The following PARD3B variants were observed in gnomAD, a reference collection of about 807,000 sequenced individuals.
The protein encoded by PARD3B is partitioning defective 3 homolog B.
Under a neutral mutation model 130.2 loss-of-function variants are expected in PARD3B, and 103 were observed. The observed-to-expected ratio is 0.79, with a 90% CI of 0.67 to 0.93. PARD3B has a LOEUF of 0.93. Among genes scored for constraint, PARD3B ranks in the 40% least tolerant of loss-of-function variants. The pLI is 0.00. For missense variants in PARD3B, 1,609 were observed against 1,499.2 expected (o/e 1.07, Z -1.21); for synonymous variants, 583 against 553.2 (o/e 1.05, Z -0.76).
At chr2:204,579,720 A>G (rs2032450539) in intron 1 of PARD3B, among the ~76,000 whole-genome samples, 1 of 150,746 alleles carries the variant, frequency 6.6e-6, no homozygotes, top group South Asian at 2.1e-4. Context: ...TTAGTTGTGA[A>G]CATGGAACAA....
At position 204,689,100 on chromosome 2, in the gene PARD3B, G is replaced by A. The variant is rs1340628100; in HGVS notation, c.222+2818G>A. On this transcript the variant is annotated intron_variant, in intron 2 of 22. Coordinates refer to ENST00000406610, the MANE Select transcript of PARD3B (RefSeq NM_001302769.2). This position sits in a 1 kb window ranked among gnomAD's most constrained non-coding sequence, Gnocchi z 5.2. ...CACCATCCCATACACTTCAGTAAAG[G>A]TAGAAACTAGAGGTTAAATGATATT... 6.6e-6 allele frequency among the ~76,000 whole-genome samples: 1 copy of A among 152,152 alleles called. No individual in the cohort carries two copies. The highest frequency in any genetic ancestry group is 1.9e-4 in the East Asian group (1 of 5,192).
At chr2:204,975,250 T>G (rs1321371027) in intron 3 of PARD3B, among the ~76,000 whole-genome samples, 1 of 152,176 alleles carries the variant, frequency 6.6e-6, no homozygotes, top group East Asian at 1.9e-4. Flanking sequence ...AATTTTAACT[T>G]TTTAGTCTTT....
At chr2:205,004,805 T>G (rs1270881024) in intron 3 of PARD3B, among the ~76,000 whole-genome samples, 2 of 152,334 alleles carry the variant, frequency 1.3e-5, no homozygotes, top group East Asian at 3.9e-4. Context: ...ATGAGAGATG[T>G]GCTATTCGTT....
chr2:204,587,390 C>T (rs763627207), intron 1 of PARD3B, among the ~76,000 whole-genome samples: 3 of 152,184 alleles, frequency 2.0e-5, no homozygotes, highest in South Asian at 2.1e-4. Context: ...TTACTTTCAG[C>T]GGGATTTTAT....
rs183840624 is a variant in PARD3B, at chr2:205,229,720, C to T, written c.2141-16058C>T. 3.7e-3 allele frequency among the ~76,000 whole-genome samples: 569 copies of T among 152,206 alleles called. 2 individuals are homozygous for T. Among genetic ancestry groups the T allele is most frequent in the Non-Finnish European group, 5.9e-3 (400 of 68,012 alleles). Reference sequence around the variant, plus strand: ...GCTCCGCAATAAGCAGGTGGTAAAGCCACCCAGGCTTGTGTCCTTCCCTTC... The same window carrying T: ...GCTCCGCAATAAGCAGGTGGTAAAGTCACCCAGGCTTGTGTCCTTCCCTTC... On this transcript the variant is annotated intron_variant, in intron 15 of 22. Coordinates refer to ENST00000406610, the MANE Select transcript of PARD3B (RefSeq NM_001302769.2). The surrounding 1 kb of genome is among the most constrained non-coding windows in gnomAD (Gnocchi z 5.2).
At position 205,269,775 on chromosome 2, in the gene PARD3B, A is replaced by T. The variant is rs1390765642; in HGVS notation, c.2185+23953A>T. On this transcript the variant is annotated intron_variant, in intron 16 of 22. Transcript: ENST00000406610. The surrounding 1 kb of genome is among the most constrained non-coding windows in gnomAD (Gnocchi z 4.7). The stretch of plus-strand genomic sequence containing the variant: ...AAGTTGAGCAAGCAAGGGGAAATGG[A>T]TAAGCTAAAAGGCAGCTATGTGCTT... Among the ~76,000 whole-genome samples, 1 of 152,200 alleles carries T rather than the reference A, an allele frequency of 6.6e-6. No homozygotes were observed. The highest frequency in any genetic ancestry group is 1.5e-5 in the Non-Finnish European group (1 of 68,030).
chr2:204,901,638 C>A (rs1414139445), intron 2 of PARD3B, among the ~76,000 whole-genome samples: 1 of 151,700 alleles, frequency 6.6e-6, no homozygotes, highest in East Asian at 2.0e-4. Context: ...CTTTGCTATT[C>A]CCTCTCCTTG....
At chr2:205,047,362 A>C (rs1698867775) in intron 3 of PARD3B, among the ~76,000 whole-genome samples, 1 of 152,210 alleles carries the variant, frequency 6.6e-6, no homozygotes, top group African/African-American at 2.4e-5. Context: ...TTGAAATGCA[A>C]CTGGGGAAAG....
chr2:205,259,786 G>A (rs554383004), intron 16 of PARD3B, among the ~76,000 whole-genome samples: 1 of 152,186 alleles, frequency 6.6e-6, no homozygotes, highest in African/African-American at 2.4e-5. Context: ...TACAAGTCGA[G>A]TATCTCTTAT....
intron 10 of PARD3B, among the ~76,000 whole-genome samples, chr2:205,126,434 C>A (rs2031404400): frequency 6.6e-6 from 1 of 152,064 alleles, no homozygotes; most frequent in Non-Finnish European, 1.5e-5. Context: ...AACTAGATAG[C>A]TTGCCAGTGA....
chr2:205,203,659 G>A (rs1392535858), intron 15 of PARD3B, among the ~76,000 whole-genome samples: 4 of 151,962 alleles, frequency 2.6e-5, no homozygotes, highest in Non-Finnish European at 2.9e-5. Flanking sequence ...GTGTCCATGT[G>A]TTCTCATTGT....
intron 2 of PARD3B, among the ~76,000 whole-genome samples, chr2:204,832,603 TAAGAGA>T (rs1484617731): frequency 6.6e-6 from 1 of 152,158 alleles, no homozygotes; most frequent in African/African-American, 2.4e-5. Context: ...GCAGTGGACA[TAAGAGA>T]AGACTGGCAT....
At chr2:205,216,086 T>G (rs925464452) in intron 15 of PARD3B, among the ~76,000 whole-genome samples, 1 of 152,172 alleles carries the variant, frequency 6.6e-6, no homozygotes, top group East Asian at 1.9e-4. Flanking sequence ...ATTAGTCCCA[T>G]GAGCTTATAA....
intron 1 of PARD3B, among the ~76,000 whole-genome samples, chr2:204,639,084 G>A (rs1203138019): frequency 6.6e-6 from 1 of 152,190 alleles, no homozygotes; most frequent in Non-Finnish European, 1.5e-5. Flanking sequence ...TGCAGCTAGA[G>A]TGGCCAGGGA....
chr2:205,257,642 A>G (rs1467874554), intron 16 of PARD3B, among the ~76,000 whole-genome samples: 2 of 152,196 alleles, frequency 1.3e-5, no homozygotes, highest in East Asian at 3.8e-4. Context: ...CTGATTTTTC[A>G]CTTACAGCGC....
At chr2:204,892,222 G>A (rs1481876927) in intron 2 of PARD3B, among the ~76,000 whole-genome samples, 1 of 152,152 alleles carries the variant, frequency 6.6e-6, no homozygotes, top group Non-Finnish European at 1.5e-5. Context: ...TCTGGAGTGT[G>A]CTTAGGCTCT....
intron 4 of PARD3B, among the ~76,000 whole-genome samples, chr2:205,062,701 TAGC>T (rs1370976009): frequency 1.3e-5 from 2 of 152,140 alleles, no homozygotes; most frequent in Non-Finnish European, 2.9e-5. Context: ...AAGAATAAAT[TAGC>T]AGAGAGAAAT....
chr2:204,791,654 T>A (rs1317271315), intron 2 of PARD3B, among the ~76,000 whole-genome samples: 2 of 152,236 alleles, frequency 1.3e-5, no homozygotes, highest in Non-Finnish European at 2.9e-5. Flanking sequence ...AACTATTGAT[T>A]CCAGTTTTCT....
chr2:204,994,798 C>G (rs1224666225), intron 3 of PARD3B, among the ~76,000 whole-genome samples: 86 of 148,126 alleles, frequency 5.8e-4, no homozygotes, highest in Middle Eastern at 6.9e-3. Flanking sequence ...GGATAGTTAG[C>G]TCCTCTTGTT....
Sources: allele counts gnomAD v4.1 joint callset (sites outside exome capture counted in the v4.1 genomes callset), GRCh38; gene constraint gnomAD v4.1.1; non-coding constraint Gnocchi (gnomAD v3.1); transcripts MANE v1.5; gene names NCBI Gene and HGNC (gene_info 2026-07-23, HGNC 2026-07-21).